Variants in LIMA1 observed in about 807,000 individuals in gnomAD.
LIMA1 encodes LIM domain and actin binding 1.
A neutral mutation model predicts 62.6 loss-of-function variants in LIMA1; 52 were observed. The ratio of observed to expected loss-of-function variants is 0.83; its 90% CI spans 0.67 to 1.05. The LOEUF (loss-of-function observed/expected upper bound fraction) is 1.05. Ranked by LOEUF, LIMA1 falls within the 50% of genes least tolerant of loss-of-function variation. The pLI is 0.00. For missense variants in LIMA1, 780 were observed against 902.2 expected (o/e 0.86, Z 1.74); for synonymous variants, 302 against 317.8 (o/e 0.95, Z 0.53).
chr12:50,282,374 T>C (rs1471989372), intron 1 of LIMA1, among the ~76,000 whole-genome samples: 2 of 152,186 alleles, frequency 1.3e-5, no homozygotes, highest in African/African-American at 4.8e-5. Context: ...AAAGAAAGAA[T>C]ACTTAATGCA....
At position 50,177,435 on chromosome 12, in the gene LIMA1, C is replaced by T. The variant is rs1006679530; in HGVS notation, c.1909G>A (p.Glu637Lys). ...GGRVAERKQV[E>K]NAKASKKNGN... Reference sequence around the variant, plus strand: ...TTCTTCTTAGAAGCCTTGGCATTTTCCACTTGTTTCCTTTCTGCAACTCTT... The same window carrying T: ...TTCTTCTTAGAAGCCTTGGCATTTTTCACTTGTTTCCTTTCTGCAACTCTT... The change falls in exon 11 of 11, where the codon GAA becomes AAA. Residue 637 changes from glutamate (E) to lysine (K), a missense_variant. Coordinates refer to ENST00000341247, the MANE Select transcript of LIMA1 (RefSeq NM_016357.5). 3 of 1,614,138 alleles carry T rather than the reference C, an allele frequency of 1.9e-6. No individual in the cohort carries two copies. Among genetic ancestry groups the T allele is most frequent in the Non-Finnish European group, 2.5e-6 (3 of 1,180,042 alleles).
At chr12:50,208,417 C>T (rs1314564526) in intron 4 of LIMA1, among the ~76,000 whole-genome samples, 4 of 152,098 alleles carry the variant, frequency 2.6e-5, no homozygotes, top group African/African-American at 7.2e-5. Context: ...ACCCAGGAGG[C>T]GGAGGTTGCA....
At chr12:50,283,035 G>A (rs138107009) in intron 1 of LIMA1, among the ~76,000 whole-genome samples, 1 of 152,192 alleles carries the variant, frequency 6.6e-6, no homozygotes, top group East Asian at 1.9e-4. Flanking sequence ...GGGAATGGCT[G>A]AAAATGAAGG....
At position 50,190,981 on chromosome 12, in the gene LIMA1, G is replaced by A. The variant is rs549259127; in HGVS notation, c.1140+1471C>T. Among the ~76,000 whole-genome samples the A allele has an allele frequency of 7.1e-4, 107 of 151,526 alleles. 3 individuals carry two copies. The highest frequency in any genetic ancestry group is 5.9e-3 in the Admixed American group (90 of 15,170). On this transcript the variant is annotated intron_variant, in intron 9 of 10. Transcript: ENST00000341247. The stretch of plus-strand genomic sequence containing the variant: ...AAAATGTAAAAAATATATTAGCTGG[G>A]TGTGGTGGCATGTGCTTATAGTCCC...
intron 4 of LIMA1, among the ~76,000 whole-genome samples, chr12:50,218,523 T>C (rs531572741): frequency 6.6e-6 from 1 of 152,296 alleles, no homozygotes; most frequent in South Asian, 2.1e-4. Flanking sequence ...TGTACCCAAA[T>C]GTAAACACTT....
At chr12:50,180,364 A>G (rs1230276855) in intron 10 of LIMA1, among the ~76,000 whole-genome samples, 1 of 151,622 alleles carries the variant, frequency 6.6e-6, no homozygotes, top group Non-Finnish European at 1.5e-5. Context: ...AATCCCAGCT[A>G]CTCAGGAGAC....
chr12:50,193,322 G>C (rs150571299), intron 8 of LIMA1, among the ~76,000 whole-genome samples: 1 of 151,106 alleles, frequency 6.6e-6, no homozygotes, highest in Admixed American at 6.6e-5. Context: ...GTTTTTCTCC[G>C]AAATTTTAAG....
chr12:50,260,974 T>C (rs550385054), intron 1 of LIMA1, among the ~76,000 whole-genome samples: 1 of 148,456 alleles, frequency 6.7e-6, no homozygotes, highest in African/African-American at 2.5e-5. Flanking sequence ...ACTTATTTAC[T>C]TATCAGTAAA....
intron 1 of LIMA1, among the ~76,000 whole-genome samples, chr12:50,266,736 T>C (rs1392017347): frequency 1.3e-5 from 2 of 152,238 alleles, no homozygotes; most frequent in Non-Finnish European, 2.9e-5. Flanking sequence ...CATTTATATT[T>C]GAATCTTTCT....
chr12:50,236,295 T>C (rs1941692536), intron 2 of LIMA1, among the ~76,000 whole-genome samples: 1 of 116,532 alleles, frequency 8.6e-6, no homozygotes, highest in East Asian at 3.6e-4. Flanking sequence ...AAAATATTTT[T>C]TTTTCTTTTT....
chr12:50,178,966 A>ATTTTTTTTTTTTTT (rs1555203081), intron 10 of LIMA1, among the ~76,000 whole-genome samples: 4 of 128,928 alleles, frequency 3.1e-5, no homozygotes, highest in Admixed American at 7.6e-5. Context: ...ATATATATAT[A>ATTTTTTTTTTTTTT]TTTTTTTTTT....
intron 8 of LIMA1, among the ~76,000 whole-genome samples, chr12:50,193,546 C>CATGTGT (rs1940837355): frequency 2.7e-5 from 3 of 111,282 alleles, no homozygotes; most frequent in Non-Finnish European, 5.1e-5. Context: ...TATATATATA[C>CATGTGT]ATATATATCA....
chr12:50,217,721 C>A (rs1188922384), intron 4 of LIMA1: 2 of 289,988 alleles, frequency 6.9e-6, no homozygotes, highest in South Asian at 3.6e-5. Flanking sequence ...GGAAGGTGTT[C>A]GATCCTTGTG....
chr12:50,179,182 G>A (rs567216574), intron 10 of LIMA1, among the ~76,000 whole-genome samples: 19 of 147,708 alleles, frequency 1.3e-4, no homozygotes, highest in Middle Eastern at 3.7e-3. Flanking sequence ...TCGCTCTGTC[G>A]CCAGGCTGGA....
intron 1 of LIMA1, chr12:50,256,375 T>C (rs1007272656): frequency 7.9e-5 from 12 of 152,210 alleles, no homozygotes; most frequent in African/African-American, 2.7e-4. Context: ...ATTTCATACA[T>C]AAGAGTTGCA....
chr12:50,225,627 A>T (rs1451074403), intron 3 of LIMA1, among the ~76,000 whole-genome samples: 5 of 152,156 alleles, frequency 3.3e-5, no homozygotes. Context: ...ATCTTGGTTC[A>T]CTGCAACCTC....
chr12:50,244,083 ATTT>A (rs1429393487), intron 2 of LIMA1, among the ~76,000 whole-genome samples: 1 of 147,312 alleles, frequency 6.8e-6, no homozygotes. Flanking sequence ...GCCCAGCTAA[ATTT>A]TTGTATTTTT....
At chr12:50,205,588 G>T (rs1941136302) in intron 5 of LIMA1, among the ~76,000 whole-genome samples, 1 of 151,878 alleles carries the variant, frequency 6.6e-6, no homozygotes, top group Admixed American at 6.6e-5. Flanking sequence ...CCTGATAGGG[G>T]ACACAGCCCA....
chr12:50,199,946 T>C (rs1348831215), intron 7 of LIMA1, among the ~76,000 whole-genome samples: 2 of 151,856 alleles, frequency 1.3e-5, no homozygotes, highest in African/African-American at 4.8e-5. Flanking sequence ...TAGGCTGGAG[T>C]GCAGTGGTGT....
Sources: gnomAD v4.1 joint callset for allele counts (sites outside exome capture counted in the v4.1 genomes callset) on GRCh38, gnomAD v4.1.1 for gene constraint, MANE v1.5 for transcripts, NCBI Gene and HGNC (gene_info 2026-07-23, HGNC 2026-07-21) for gene names.